TMTC2: variants seen among roughly 807,000 people sequenced by gnomAD.
TMTC2 encodes protein O-mannosyl-transferase TMTC2.
Under a neutral mutation model 82.4 loss-of-function variants are expected in TMTC2, and 43 were observed. The ratio of observed to expected loss-of-function variants is 0.52; its 90% confidence interval spans 0.41 to 0.67. The LOEUF (loss-of-function observed/expected upper bound fraction) is 0.67, where lower values mean the gene tolerates loss of function less well. Ranked by LOEUF, TMTC2 falls within the 30% of genes least tolerant of loss-of-function variation. TMTC2 has a pLI of 0.00. For synonymous variants in TMTC2, 408 were observed against 381.9 expected (o/e 1.07, Z -0.80); for missense variants, 919 against 1,012.4 (o/e 0.91, Z 1.25).
chr12:82,727,538 T>A (rs1375536395), intron 1 of TMTC2, among the ~76,000 whole-genome samples: 1 of 151,972 alleles, frequency 6.6e-6, no homozygotes, highest in East Asian at 1.9e-4. Flanking sequence ...CTGACCAACA[T>A]GGTGAAACCC....
intron 2 of TMTC2, among the ~76,000 whole-genome samples, chr12:82,890,000 T>C (rs1416325699): frequency 6.6e-6 from 1 of 152,190 alleles, no homozygotes; most frequent in Non-Finnish European, 1.5e-5. Context: ...TCATACATGA[T>C]ACAAACTATT....
intron 1 of TMTC2, among the ~76,000 whole-genome samples, chr12:82,714,633 G>A (rs756211338): frequency 6.6e-6 from 1 of 152,090 alleles, no homozygotes; most frequent in African/African-American, 2.4e-5. Context: ...AGCTAAGCTG[G>A]CTTCCACCTC....
chr12:82,821,250 C>G (rs1449804243), intron 1 of TMTC2, among the ~76,000 whole-genome samples: 1 of 152,154 alleles, frequency 6.6e-6, no homozygotes, highest in Non-Finnish European at 1.5e-5. Flanking sequence ...TGAATCCTGA[C>G]AAAGCAAATA....
intron 1 of TMTC2, among the ~76,000 whole-genome samples, chr12:82,745,634 T>C (rs1875649803): frequency 6.6e-6 from 1 of 152,210 alleles, no homozygotes; most frequent in Non-Finnish European, 1.5e-5. Context: ...CCTTTGGTAA[T>C]GGACAAATAG....
intron 1 of TMTC2, among the ~76,000 whole-genome samples, chr12:82,805,769 T>G (rs989033699): frequency 7.2e-5 from 11 of 152,058 alleles, no homozygotes; most frequent in Non-Finnish European, 1.5e-4. Context: ...CCTCCCAAAG[T>G]GCTGGGATTA....
intron 6 of TMTC2, 64 bp from the exon 7 acceptor site, chr12:82,966,855 A>G: frequency 1.7e-6 from 2 of 1,201,226 alleles, no homozygotes; most frequent in South Asian, 2.7e-5. Context: ...TTATTATCTT[A>G]TTTTCAGTGA....
chr12:82,690,317 T>C, intron 1 of TMTC2: 1 of 970,278 alleles, frequency 1.0e-6, no homozygotes, highest in Non-Finnish European at 1.2e-6. Context: ...CAGGAACTTT[T>C]GTGAAATCCA....
chr12:82,728,156 C>T (rs1446511373), intron 1 of TMTC2, among the ~76,000 whole-genome samples: 1 of 151,908 alleles, frequency 6.6e-6, no homozygotes, highest in Non-Finnish European at 1.5e-5. Flanking sequence ...TGCTGTTCCC[C>T]AACAACTGCT....
At chr12:82,991,758 C>T (rs879720015) in intron 8 of TMTC2, among the ~76,000 whole-genome samples, 1 of 152,108 alleles carries the variant, frequency 6.6e-6, no homozygotes, top group Non-Finnish European at 1.5e-5. Context: ...ATTGGGCATG[C>T]TAAAAGAGAG....
chr12:83,109,447 A>G (rs1884526191), intron 11 of TMTC2, among the ~76,000 whole-genome samples: 1 of 152,138 alleles, frequency 6.6e-6, no homozygotes, highest in Non-Finnish European at 1.5e-5. Flanking sequence ...TCCAAACCAT[A>G]TCAACCAGTC....
chr12:83,112,964 C>A (rs1884642990), intron 11 of TMTC2, among the ~76,000 whole-genome samples: 1 of 152,176 alleles, frequency 6.6e-6, no homozygotes, highest in African/African-American at 2.4e-5. Flanking sequence ...TGAAAGAAAT[C>A]AGAGTGGCAT....
intron 5 of TMTC2, 32 bp downstream of exon 5, chr12:82,965,141 A>G: frequency 1.3e-6 from 2 of 1,494,894 alleles, no homozygotes; most frequent in Non-Finnish European, 1.8e-6. Flanking sequence ...ATTTTTTTAT[A>G]CCTCTTTCCA....
chr12:83,019,684 C>A (rs1880828129), intron 8 of TMTC2, among the ~76,000 whole-genome samples: 1 of 152,164 alleles, frequency 6.6e-6, no homozygotes. Context: ...CTCCATCCAC[C>A]TCTTTGCATT....
At chr12:82,825,309 TG>T (rs1324554211) in intron 1 of TMTC2, among the ~76,000 whole-genome samples, 2 of 152,128 alleles carry the variant, frequency 1.3e-5, no homozygotes, top group Non-Finnish European at 2.9e-5. Context: ...CAAAAACTGT[TG>T]GGAATGTGAG....
At chr12:82,781,219 A>G (rs1877886383) in intron 1 of TMTC2, among the ~76,000 whole-genome samples, 1 of 152,074 alleles carries the variant, frequency 6.6e-6, no homozygotes, top group African/African-American at 2.4e-5. Context: ...ATAGGGTTCA[A>G]AATGCTGAAA....
rs201018620 is a variant in TMTC2, at chr12:82,876,707, G to GT, written c.655-19104dup. 9.4e-3 allele frequency among the ~76,000 whole-genome samples: 1,426 copies of GT among 151,850 alleles called. 11 individuals carry two copies. The highest frequency in any genetic ancestry group is 0.014 in the Non-Finnish European group (926 of 67,920). ...TTGACGTTTTTCAAGGTTATTTCAGGTTTTTTTCATTTCGTTTTGTTTTTT... is the reference window on the plus strand; with the variant it reads ...TTGACGTTTTTCAAGGTTATTTCAGGTTTTTTTTCATTTCGTTTTGTTTTTT... On this transcript the variant is annotated intron_variant, in intron 2 of 11. Coordinates refer to ENST00000321196, the MANE Select transcript of TMTC2 (RefSeq NM_152588.3).
At chr12:82,798,099 G>A (rs1253280240) in intron 1 of TMTC2, among the ~76,000 whole-genome samples, 1 of 150,736 alleles carries the variant, frequency 6.6e-6, no homozygotes, top group Non-Finnish European at 1.5e-5. Flanking sequence ...AAGGCTACAA[G>A]CACCTGCCAG....
intron 7 of TMTC2, among the ~76,000 whole-genome samples, chr12:82,979,530 C>T (rs953300175): frequency 5.9e-5 from 9 of 151,658 alleles, no homozygotes; most frequent in African/African-American, 1.9e-4. Flanking sequence ...ATTTCTTATA[C>T]TGTGCATGTC....
chr12:82,967,026 G>T, intron 7 of TMTC2, 29 bp downstream of exon 7: 1 of 1,544,454 alleles, frequency 6.5e-7, no homozygotes, highest in South Asian at 1.1e-5. Context: ...CTTTTAAATT[G>T]ATATTTCAGG....
Sources: gnomAD v4.1 joint callset for allele counts (sites outside exome capture counted in the v4.1 genomes callset) on GRCh38, gnomAD v4.1.1 for gene constraint, MANE v1.5 for transcripts, NCBI Gene and HGNC (gene_info 2026-07-23, HGNC 2026-07-21) for gene names.